RAB7A: variants seen among roughly 807,000 people sequenced by gnomAD.
The protein encoded by RAB7A is RAB7A, member RAS oncogene family.
In RAB7A, 2 loss-of-function variants were observed where a neutral mutation model predicts 24.5. The ratio of observed to expected loss-of-function variants is 0.08; its 90% CI spans 0.03 to 0.26. The LOEUF (loss-of-function observed/expected upper bound fraction) is 0.26. RAB7A is among the 10% of genes least tolerant of loss of function. The pLI is 1.00. For missense variants in RAB7A, 118 were observed against 255.7 expected (o/e 0.46, Z 3.67); for synonymous variants, 100 against 95.9 (o/e 1.04, Z -0.25).
At chr3:128,737,261 G>A (rs1422869150) in intron 1 of RAB7A, among the ~76,000 whole-genome samples, 2 of 151,008 alleles carry the variant, frequency 1.3e-5, no homozygotes, top group East Asian at 2.0e-4. Flanking sequence ...GGATGGTCTC[G>A]ATCTCCTGAC....
intron 1 of RAB7A, among the ~76,000 whole-genome samples, chr3:128,780,514 C>G (rs1933195802): frequency 6.6e-6 from 1 of 152,190 alleles, no homozygotes; most frequent in Admixed American, 6.5e-5. Context: ...GAGATGGCCC[C>G]TTTTTGAAGT....
At chr3:128,789,072 T>G (rs188187995) in intron 1 of RAB7A, among the ~76,000 whole-genome samples, 106 of 152,258 alleles carry the variant, frequency 7.0e-4, no homozygotes, top group Admixed American at 1.6e-3. Flanking sequence ...TGCACACTGG[T>G]GAGGTTTGGT....
At chr3:128,772,551 A>G (rs1036036875) in intron 1 of RAB7A, among the ~76,000 whole-genome samples, 4 of 152,206 alleles carry the variant, frequency 2.6e-5, no homozygotes, top group African/African-American at 9.6e-5. Flanking sequence ...CTTGGGTGAT[A>G]TGACACTTAT....
At chr3:128,806,928 G>T (rs1424997311) in intron 4 of RAB7A, among the ~76,000 whole-genome samples, 1 of 152,254 alleles carries the variant, frequency 6.6e-6, no homozygotes, top group Non-Finnish European at 1.5e-5. Context: ...ATCTCCATGT[G>T]TGCAGAATAT....
intron 5 of RAB7A, among the ~76,000 whole-genome samples, chr3:128,811,061 A>AAAAAC (rs1157769226): frequency 2.0e-5 from 3 of 152,086 alleles, no homozygotes; most frequent in African/African-American, 7.2e-5. Context: ...TCTCAAAAAA[A>AAAAAC]AAAACAAAAC....
intron 1 of RAB7A, chr3:128,765,108 G>A: frequency 1.3e-6 from 1 of 755,982 alleles, no homozygotes; most frequent in East Asian, 2.7e-5. Context: ...CAGTGAAGAG[G>A]GGACAGAGGG....
intron 5 of RAB7A, among the ~76,000 whole-genome samples, chr3:128,809,798 G>T (rs1933880946): frequency 6.6e-6 from 1 of 151,586 alleles, no homozygotes. Flanking sequence ...ATAGACCGTG[G>T]CCTGTGCTAA....
intron 1 of RAB7A, among the ~76,000 whole-genome samples, chr3:128,728,866 G>C (rs776063356): frequency 6.6e-6 from 1 of 152,146 alleles, no homozygotes; most frequent in Non-Finnish European, 1.5e-5. Flanking sequence ...TGGCATGCTG[G>C]ATTTTTTTCT....
At chr3:128,757,603 TC>T (rs1654567436) in intron 1 of RAB7A, among the ~76,000 whole-genome samples, 1 of 151,594 alleles carries the variant, frequency 6.6e-6, no homozygotes, top group African/African-American at 2.4e-5. Context: ...CACTGCAACC[TC>T]TGCCTCCTGG....
intron 1 of RAB7A, among the ~76,000 whole-genome samples, chr3:128,786,443 C>T: frequency 6.6e-6 from 1 of 152,268 alleles, no homozygotes; most frequent in South Asian, 2.1e-4. Context: ...ATATTGCTTG[C>T]CTACTTCACT....
intron 1 of RAB7A, among the ~76,000 whole-genome samples, chr3:128,733,210 G>A (rs1356155423): frequency 6.6e-6 from 1 of 152,016 alleles, no homozygotes; most frequent in Admixed American, 6.6e-5. Flanking sequence ...CATTATCATC[G>A]ATGCCCTGAT....
At position 128,813,934 on chromosome 3, in the gene RAB7A, C is replaced by A. The variant is rs1933983934; in HGVS notation, c.*512C>A. ...GCCCCATTACAGGCTCACACCCAGT[C>A]TGATCAGGCTGAGTTTTGTATGTAT... On this transcript the variant is annotated 3_prime_UTR_variant, in exon 6 of 6. Coordinates refer to ENST00000265062, the MANE Select transcript of RAB7A (RefSeq NM_004637.6). 1 of 193,972 alleles carries A rather than the reference C, an allele frequency of 5.2e-6. No individual in the cohort carries two copies. The highest frequency in any genetic ancestry group is 2.3e-5 in the African/African-American group (1 of 43,158). 12.0% of individuals were successfully genotyped at this position (193,972 alleles called of 1,614,324 possible). A position where few individuals can be genotyped will look rare whatever the true frequency, so the allele number is the denominator to read the frequency against.
rs1212423058 is a variant in RAB7A at position 128,726,230 on chromosome 3, C to G, written c.-138C>G. 6.5e-6 allele frequency: 1 copy of G among 154,154 alleles called. No homozygotes were observed. The highest frequency in any genetic ancestry group is 1.4e-5 in the Non-Finnish European group (1 of 69,040). 9.5% of individuals were successfully genotyped at this position (154,154 alleles called of 1,614,324 possible). A position where few individuals can be genotyped will look rare whatever the true frequency, so the allele number is the denominator to read the frequency against. On this transcript the variant is annotated 5_prime_UTR_variant, in exon 1 of 6. Transcript: ENST00000265062. The stretch of plus-strand genomic sequence containing the variant: ...GCGGCGGCAGCGGCGGAGTTGGCGG[C>G]TTGGAGAGCTCGGGAGAGTTCCCTG...
At chr3:128,795,532 C>T (rs1933547160) in intron 2 of RAB7A, 112 bp downstream of exon 2, 12 of 961,404 alleles carry the variant, frequency 1.2e-5, no homozygotes, top group Admixed American at 3.5e-5. Flanking sequence ...AGGCTTAGGG[C>T]CTTACATGTT....
At chr3:128,768,978 T>TTC (rs1483795303) in intron 1 of RAB7A, among the ~76,000 whole-genome samples, 1 of 138,680 alleles carries the variant, frequency 7.2e-6, no homozygotes, top group African/African-American at 2.7e-5. Flanking sequence ...CCTTTTTTTT[T>TTC]TTTTTTTTTT....
Position 128,809,936 on chromosome 3 carries a change from C to CTTTTTT in RAB7A, c.528+2290_528+2295dup, listed in dbSNP as rs869119619. Among the ~76,000 whole-genome samples, 395 of 52,244 alleles carry CTTTTTT rather than the reference C, an allele frequency of 7.6e-3. 110 individuals are homozygous for CTTTTTT. Among genetic ancestry groups the CTTTTTT allele is most frequent in the Middle Eastern group, 0.069 (5 of 72 alleles). The allele number at this position is 52,244 out of a possible 152,430, so 34.3% of individuals were successfully genotyped here. A position where few individuals can be genotyped will look rare whatever the true frequency, so the allele number is the denominator to read the frequency against. On this transcript the variant is annotated intron_variant, in intron 5 of 5. Coordinates refer to ENST00000265062, the MANE Select transcript of RAB7A (RefSeq NM_004637.6). ...GAGGCAAGTTTCCTCTTGCCACAGT[C>CTTTTTT]TTTTTTTTTTTTTTTTTTTTTTTTT...
At chr3:128,780,749 A>G (rs2107604965) in intron 1 of RAB7A, among the ~76,000 whole-genome samples, 1 of 152,360 alleles carries the variant, frequency 6.6e-6, no homozygotes, top group South Asian at 2.1e-4. Context: ...TGAAGTGGAT[A>G]GGATCATGAG....
intron 1 of RAB7A, among the ~76,000 whole-genome samples, chr3:128,788,057 T>C (rs1271004846): frequency 6.6e-6 from 1 of 152,248 alleles, no homozygotes; most frequent in Non-Finnish European, 1.5e-5. Flanking sequence ...TTGATGAAGC[T>C]TGTGCTATCC....
At chr3:128,772,528 A>G (rs1382656524) in intron 1 of RAB7A, among the ~76,000 whole-genome samples, 1 of 152,138 alleles carries the variant, frequency 6.6e-6, no homozygotes, top group East Asian at 1.9e-4. Context: ...GTTATGCCTA[A>G]TCTGTTAGTG....
Sources: allele counts gnomAD v4.1 joint callset (sites outside exome capture counted in the v4.1 genomes callset), GRCh38; gene constraint gnomAD v4.1.1; transcripts MANE v1.5; gene names NCBI Gene and HGNC (gene_info 2026-07-23, HGNC 2026-07-21).